The following GREB1L variants were observed in gnomAD, a reference collection of about 807,000 sequenced individuals.
The protein encoded by GREB1L is GREB1 like retinoic acid receptor coactivator, also known as GREB1-like protein.
Under a neutral mutation model 200.8 loss-of-function variants are expected in GREB1L, and 17 were observed. That is an observed-to-expected ratio of 0.08 (90% CI 0.06 to 0.13). GREB1L has a LOEUF of 0.13. Among genes scored for constraint, GREB1L ranks in the 10% least tolerant of loss-of-function variants. The pLI is 1.00. For synonymous variants in GREB1L, 789 were observed against 893.0 expected (o/e 0.88, Z 2.08); for missense variants, 1,657 against 2,367.7 (o/e 0.70, Z 6.23).
chr18:21,257,628 G>T (rs900972655), intron 1 of GREB1L, among the ~76,000 whole-genome samples: 1 of 152,122 alleles, frequency 6.6e-6, no homozygotes, highest in African/African-American at 2.4e-5. Flanking sequence ...TCCAGAGTAG[G>T]AACTGTGATG....
intron 7 of GREB1L, among the ~76,000 whole-genome samples, chr18:21,431,899 G>C (rs1310546142): frequency 1.4e-5 from 2 of 145,756 alleles, no homozygotes; most frequent in African/African-American, 5.0e-5. Flanking sequence ...TTGTCTTAGA[G>C]TCTATTTTTC....
chr18:21,320,360 T>C (rs1004110346), intron 1 of GREB1L, among the ~76,000 whole-genome samples: 1 of 152,122 alleles, frequency 6.6e-6, no homozygotes, highest in Non-Finnish European at 1.5e-5. Context: ...AATATTGTAA[T>C]TACTGCTAAA....
chr18:21,314,220 A>T (rs569984380), intron 1 of GREB1L, among the ~76,000 whole-genome samples: 1 of 152,308 alleles, frequency 6.6e-6, no homozygotes, highest in South Asian at 2.1e-4. Context: ...GGATGCTTCT[A>T]TTCTTTGCTA....
intron 1 of GREB1L, among the ~76,000 whole-genome samples, chr18:21,257,388 C>G (rs530773412): frequency 6.6e-6 from 1 of 152,150 alleles, no homozygotes; most frequent in East Asian, 1.9e-4. Flanking sequence ...TTTAATGGAG[C>G]AATAAAATAC....
intron 1 of GREB1L, among the ~76,000 whole-genome samples, chr18:21,322,377 A>G (rs1231145551): frequency 8.5e-5 from 13 of 152,178 alleles, no homozygotes; most frequent in Non-Finnish European, 1.2e-4. Flanking sequence ...GTCTAATTTC[A>G]GTAGTGGTAG....
chr18:21,436,529 G>C (rs1010616837), intron 7 of GREB1L, among the ~76,000 whole-genome samples: 12 of 152,070 alleles, frequency 7.9e-5, no homozygotes, highest in African/African-American at 2.9e-4. Context: ...AGCTACACAG[G>C]AGGCTGAGGC....
At chr18:21,336,837 C>T (rs2039192696) in intron 1 of GREB1L, among the ~76,000 whole-genome samples, 1 of 152,294 alleles carries the variant, frequency 6.6e-6, no homozygotes, top group Non-Finnish European at 1.5e-5. Flanking sequence ...TTTGCAGACT[C>T]CCTGTGCATC....
intron 9 of GREB1L, among the ~76,000 whole-genome samples, chr18:21,441,112 G>A (rs958559367): frequency 2.0e-5 from 3 of 152,080 alleles, no homozygotes; most frequent in African/African-American, 7.2e-5. Context: ...TGGGGGGAAA[G>A]CTAAGATACC....
At chr18:21,342,423 T>C (rs2039282787) in intron 1 of GREB1L, among the ~76,000 whole-genome samples, 1 of 152,184 alleles carries the variant, frequency 6.6e-6, no homozygotes, top group African/African-American at 2.4e-5. Flanking sequence ...GATGATCTAA[T>C]GAAGACAATT....
intron 30 of GREB1L, 126 bp downstream of exon 30, chr18:21,516,880 T>TTG: frequency 1.2e-6 from 1 of 813,754 alleles, no homozygotes; most frequent in Admixed American, 3.2e-5. Flanking sequence ...CAAGGGAGTT[T>TTG]TTTTTTTTTT....
Position 21,439,655 on chromosome 18 carries a change from G to C in GREB1L, c.949+18G>C. The C allele has an allele frequency of 1.4e-6, 2 of 1,442,920 alleles. No individual in the cohort carries two copies. The highest frequency in any genetic ancestry group is 1.9e-6 in the Non-Finnish European group (2 of 1,046,996). 89.4% of individuals were successfully genotyped at this position (1,442,920 alleles called of 1,614,324 possible). A position where few individuals can be genotyped will look rare whatever the true frequency, so the allele number is the denominator to read the frequency against. On this transcript the variant is annotated intron_variant, in intron 8 of 32. Coordinates refer to ENST00000424526, the MANE Select transcript of GREB1L (RefSeq NM_001142966.3). ...AGATCAAGGTACAATGCCTGTCGTA[G>C]AGTTTTGTAATAATGCACTTACCAG... is the stretch of plus-strand genomic sequence containing the variant.
At chr18:21,363,111 C>T (rs986979927) in intron 1 of GREB1L, among the ~76,000 whole-genome samples, 2 of 152,112 alleles carry the variant, frequency 1.3e-5, no homozygotes, top group African/African-American at 4.8e-5. Context: ...TGCCTTTCAC[C>T]GCAGTAGAAT....
chr18:21,431,674 T>C, intron 7 of GREB1L, among the ~76,000 whole-genome samples: 1 of 152,118 alleles, frequency 6.6e-6, no homozygotes. Flanking sequence ...TTTATTGATG[T>C]TCTCCCTGGT....
At chr18:21,375,830 A>G (rs2040048585) in intron 2 of GREB1L, among the ~76,000 whole-genome samples, 1 of 152,128 alleles carries the variant, frequency 6.6e-6, no homozygotes, top group East Asian at 1.9e-4. Flanking sequence ...TACTCTTGCA[A>G]TCACTGAAGG....
At position 21,451,125 on chromosome 18, in the gene GREB1L, C is replaced by A; in HGVS notation, c.1823C>A (p.Ala608Glu). The change falls in exon 13 of 33, where the codon GCA becomes GAA. Residue 608 changes from alanine to glutamate, a missense_variant. Physicochemically the swap from Ala to Glu is moderately radical, Grantham distance 107. Transcript: ENST00000424526. ...ATCACAGGAAAGGTCAGTTTCCTGG[C>A]ATCACATTTCAAAACCACATCATTA... ...ELITGKVSFL[A>E]SHFKTTSLGD... The A allele has an allele frequency of 6.4e-7, 1 of 1,551,604 alleles. No individual in the cohort carries two copies. Among genetic ancestry groups the A allele is most frequent in the East Asian group, 2.4e-5 (1 of 40,918 alleles).
At chr18:21,275,910 C>T (rs1381845973) in intron 1 of GREB1L, among the ~76,000 whole-genome samples, 1 of 152,136 alleles carries the variant, frequency 6.6e-6, no homozygotes, top group Non-Finnish European at 1.5e-5. Context: ...GACGTCAAAA[C>T]CAGCGATGTT....
intron 4 of GREB1L, among the ~76,000 whole-genome samples, chr18:21,386,707 G>A (rs551873814): frequency 2.1e-5 from 3 of 145,568 alleles, no homozygotes; most frequent in South Asian, 2.2e-4. Flanking sequence ...GGATTCCACC[G>A]TGTTAGCCAG....
intron 1 of GREB1L, among the ~76,000 whole-genome samples, chr18:21,352,094 C>G (rs1309009302): frequency 6.6e-6 from 1 of 152,090 alleles, no homozygotes; most frequent in Non-Finnish European, 1.5e-5. Flanking sequence ...GATCCACCTG[C>G]CTCTGCCTCC....
intron 17 of GREB1L, among the ~76,000 whole-genome samples, chr18:21,483,774 C>T (rs559453124): frequency 6.6e-6 from 1 of 151,880 alleles, no homozygotes; most frequent in Non-Finnish European, 1.5e-5. Flanking sequence ...ATCAGGAATT[C>T]GACACCAGCC....
Sources: gnomAD v4.1 joint callset for allele counts (sites outside exome capture counted in the v4.1 genomes callset) on GRCh38, gnomAD v4.1.1 for gene constraint, MANE v1.5 for transcripts, NCBI Gene and HGNC (gene_info 2026-07-23, HGNC 2026-07-21) for gene names.